Variants in SCAPER observed in about 807,000 individuals in gnomAD.
The protein encoded by SCAPER is S-phase cyclin A associated protein in the ER, also known as S phase cyclin A-associated protein in the endoplasmic reticulum.
SCAPER carries 98 observed loss-of-function variants against 182.2 expected under a neutral mutation model. The observed-to-expected ratio is 0.54, with a 90% CI of 0.46 to 0.64. SCAPER has a LOEUF of 0.64. SCAPER is among the 30% of genes least tolerant of loss of function. The pLI, the probability that SCAPER is intolerant of heterozygous loss-of-function variation, is 0.00. For missense variants in SCAPER, 1,432 were observed against 1,690.0 expected (o/e 0.85, Z 2.68); for synonymous variants, 605 against 564.6 (o/e 1.07, Z -1.01).
chr15:76,818,215 A>T (rs74024627), intron 5 of SCAPER, among the ~76,000 whole-genome samples: 7,534 of 152,286 alleles, frequency 0.049, 554 homozygotes, highest in African/African-American at 0.16. Flanking sequence ...TTTTCAACAC[A>T]TGATGCTAGA....
intron 21 of SCAPER, among the ~76,000 whole-genome samples, chr15:76,649,409 G>A (rs1597918653): frequency 1.3e-5 from 2 of 151,514 alleles, no homozygotes; most frequent in Admixed American, 6.6e-5. Flanking sequence ...CAGCCTAGGC[G>A]ACCGAATGAG....
At chr15:76,886,978 C>A (rs2073875281) in intron 1 of SCAPER, among the ~76,000 whole-genome samples, 1 of 151,992 alleles carries the variant, frequency 6.6e-6, no homozygotes, top group South Asian at 2.1e-4. Context: ...TAGAGGGGAA[C>A]AACACACACT....
intron 8 of SCAPER, among the ~76,000 whole-genome samples, chr15:76,782,049 A>C (rs2064184616): frequency 6.6e-6 from 1 of 152,208 alleles, no homozygotes; most frequent in Non-Finnish European, 1.5e-5. Context: ...TATTAACCTT[A>C]AATATAAATG....
At chr15:76,798,099 C>T (rs1457841360) in intron 7 of SCAPER, among the ~76,000 whole-genome samples, 3 of 152,062 alleles carry the variant, frequency 2.0e-5, no homozygotes, top group South Asian at 4.1e-4. Flanking sequence ...GTAGCTTGTA[C>T]CTGTAATCCT....
chr15:76,450,093 G>A (rs2048273253), intron 25 of SCAPER, among the ~76,000 whole-genome samples: 1 of 152,238 alleles, frequency 6.6e-6, no homozygotes, highest in Non-Finnish European at 1.5e-5. Flanking sequence ...GATTTGGCCT[G>A]TGGATCTGAA....
intron 17 of SCAPER, among the ~76,000 whole-genome samples, chr15:76,706,476 T>C (rs762211578): frequency 7.2e-5 from 11 of 151,924 alleles, no homozygotes; most frequent in Admixed American, 2.0e-4. Context: ...CCATAGAAGC[T>C]CAGAAATTGA....
In SCAPER at chr15:76,471,300, G is replaced by T. The variant is rs372412330; in HGVS notation, c.2990C>A (p.Thr997Asn). The T allele has an allele frequency of 1.3e-5, 21 of 1,611,482 alleles. No homozygotes were observed. The highest frequency in any genetic ancestry group is 1.7e-5 in the Admixed American group (1 of 59,716). ...LCNAINVYNLTCNNCSENCSD... is the reference protein window; with the variant it reads ...LCNAINVYNLNCNNCSENCSD... Reference sequence around the variant, plus strand: ...GCAGTTTTCTGAACAGTTATTGCAGGTGAGGTTGTAAACATTGATTGCATT... The same window carrying T: ...GCAGTTTTCTGAACAGTTATTGCAGTTGAGGTTGTAAACATTGATTGCATT... Residue 997 changes from threonine (T) to asparagine (N), a missense_variant, in exon 25 of 32, where the codon ACC becomes AAC. Thr to Asn is a moderately conservative substitution (Grantham distance 65). Coordinates refer to ENST00000563290, the MANE Select transcript of SCAPER (RefSeq NM_020843.4).
chr15:76,618,071 C>T (rs1278363503), intron 22 of SCAPER, among the ~76,000 whole-genome samples: 2 of 152,148 alleles, frequency 1.3e-5, no homozygotes, highest in African/African-American at 4.8e-5. Flanking sequence ...CCAGTCTGAC[C>T]AACCCTGGTG....
chr15:76,535,222 G>A (rs2044027043), intron 23 of SCAPER, among the ~76,000 whole-genome samples: 1 of 152,098 alleles, frequency 6.6e-6, no homozygotes, highest in African/African-American at 2.4e-5. Flanking sequence ...TCTGCTAAGA[G>A]TATAAGAAAT....
At chr15:76,611,213 C>CA (rs1160088743) in intron 22 of SCAPER, among the ~76,000 whole-genome samples, 7 of 150,942 alleles carry the variant, frequency 4.6e-5, no homozygotes, top group Non-Finnish European at 1.0e-4. Context: ...TATCCTTATG[C>CA]AAAAAAATGA....
rs1275190228 is a variant in SCAPER at position 76,597,017 on chromosome 15, T to C, written c.2712-22733A>G. Among the ~76,000 whole-genome samples the C allele has an allele frequency of 1.6e-5, 2 of 121,582 alleles. 1 individual carries two copies. The highest frequency in any genetic ancestry group is 5.0e-5 in the African/African-American group (2 of 39,726). The allele number at this position is 121,582 out of a possible 152,430, so 79.8% of individuals were successfully genotyped here. On this transcript the variant is annotated intron_variant, in intron 22 of 31. Coordinates refer to ENST00000563290, the MANE Select transcript of SCAPER (RefSeq NM_020843.4). ...TCAAATAGGAAGAGAGGAAGTCAAA[T>C]TGTCTCTGTTTATAGATGACATGAC...
At chr15:76,725,651 T>C (rs978790490) in intron 17 of SCAPER, among the ~76,000 whole-genome samples, 1 of 152,064 alleles carries the variant, frequency 6.6e-6, no homozygotes. Flanking sequence ...GACATGTATA[T>C]AGTCCAATGA....
intron 26 of SCAPER, among the ~76,000 whole-genome samples, chr15:76,408,886 C>T (rs912225754): frequency 2.0e-5 from 3 of 151,996 alleles, no homozygotes; most frequent in African/African-American, 4.8e-5. Flanking sequence ...GCTAGGTTTC[C>T]GGTACCATCC....
intron 21 of SCAPER, among the ~76,000 whole-genome samples, chr15:76,632,851 C>T (rs1431633326): frequency 6.7e-6 from 1 of 148,238 alleles, no homozygotes; most frequent in East Asian, 2.0e-4. Flanking sequence ...CAGCTCACTG[C>T]AGCCTCCACA....
At chr15:76,465,841 G>A (rs181483424) in intron 25 of SCAPER, among the ~76,000 whole-genome samples, 2 of 152,104 alleles carry the variant, frequency 1.3e-5, no homozygotes, top group East Asian at 1.9e-4. Flanking sequence ...TTTCTGCTGT[G>A]TATTCCTGGC....
chr15:76,388,701 C>T (rs1168837036), intron 27 of SCAPER, among the ~76,000 whole-genome samples: 1 of 152,138 alleles, frequency 6.6e-6, no homozygotes, highest in Non-Finnish European at 1.5e-5. Context: ...TGGCTCACGT[C>T]TGTAATCCCA....
chr15:76,518,966 C>T (rs145348609), intron 23 of SCAPER, among the ~76,000 whole-genome samples: 211 of 152,310 alleles, frequency 1.4e-3, no homozygotes, highest in Non-Finnish European at 2.5e-3. Flanking sequence ...AACTTTAGAG[C>T]TACTCTGTGC....
chr15:76,673,989 A>ACACACC lies in SCAPER; in HGVS notation c.2509-8201_2509-8200insGGTGTG, dbSNP rs1387070676. Among the ~76,000 whole-genome samples, 572 of 143,424 alleles carry ACACACC rather than the reference A, an allele frequency of 4.0e-3. 7 individuals are homozygous for ACACACC. Among genetic ancestry groups the ACACACC allele is most frequent in the Middle Eastern group, 7.4e-3 (2 of 270 alleles). 94.1% of individuals were successfully genotyped at this position (143,424 alleles called of 152,430 possible). ...CACACACACACACACACACACACACACCCCAATCAGATAACTTTGGAGGAT... is the reference window on the plus strand; with the variant it reads ...CACACACACACACACACACACACACACACACCCCCCAATCAGATAACTTTGGAGGAT... On this transcript the variant is annotated intron_variant, in intron 20 of 31. Transcript: ENST00000563290.
At chr15:76,839,190 C>T (rs892259531) in intron 5 of SCAPER, among the ~76,000 whole-genome samples, 1 of 152,190 alleles carries the variant, frequency 6.6e-6, no homozygotes, top group Admixed American at 6.5e-5. Flanking sequence ...TCACATCATG[C>T]TATACTTACC....
Sources: allele counts gnomAD v4.1 joint callset (sites outside exome capture counted in the v4.1 genomes callset), GRCh38; gene constraint gnomAD v4.1.1; transcripts MANE v1.5; gene names NCBI Gene and HGNC (gene_info 2026-07-23, HGNC 2026-07-21).